The following STK35 variants were observed in gnomAD, a reference collection of about 807,000 sequenced individuals.
STK35 encodes serine/threonine-protein kinase 35.
Under a neutral mutation model 37.3 loss-of-function variants are expected in STK35, and 17 were observed. That is an observed-to-expected ratio of 0.46 (90% CI 0.31 to 0.68). STK35 has a LOEUF of 0.68. STK35 is among the 30% of genes least tolerant of loss of function. The pLI is 0.05. For synonymous variants in STK35, 385 were observed against 319.1 expected (o/e 1.21, Z -2.20); for missense variants, 595 against 746.7 (o/e 0.80, Z 2.37).
At chr20:2,135,182 G>A (rs1229447964) in intron 3 of STK35, among the ~76,000 whole-genome samples, 2 of 152,246 alleles carry the variant, frequency 1.3e-5, no homozygotes, top group Non-Finnish European at 2.9e-5. Context: ...CCTCCTGGGA[G>A]CACATTCCTA....
At chr20:2,133,495 T>A (rs901936116) in intron 3 of STK35, among the ~76,000 whole-genome samples, 5 of 152,218 alleles carry the variant, frequency 3.3e-5, no homozygotes, top group South Asian at 2.1e-4. Context: ...TAGTTCCCCT[T>A]AGTTGGTGTT....
chr20:2,112,978 A>G (rs1985648345), intron 2 of STK35, among the ~76,000 whole-genome samples: 1 of 152,170 alleles, frequency 6.6e-6, no homozygotes, highest in African/African-American at 2.4e-5. Context: ...AACTGGGGAA[A>G]TACCCGCAGT....
At position 2,102,813 on chromosome 20, in the gene STK35, A is replaced by G; in HGVS notation, c.340A>G (p.Arg114Gly). 1.3e-6 allele frequency: 2 copies of G among 1,512,566 alleles called. No homozygotes were observed. Among genetic ancestry groups the G allele is most frequent in the Admixed American group, 2.1e-5 (1 of 48,120 alleles). 93.7% of individuals were successfully genotyped at this position (1,512,566 alleles called of 1,614,324 possible). A position where few individuals can be genotyped will look rare whatever the true frequency, so the allele number is the denominator to read the frequency against. ...TCCTCCGCGTCCCAGGGCCGGACGG[A>G]GGGATGAGGCAGGGGGGGCCCGGGC... ...PAPPRPRAGR[R>G]DEAGGARAAP... is the part of the protein sequence containing the mutation. Residue 114 changes from arginine (R) to glycine (G), a missense_variant, in exon 2 of 4, where the codon AGG becomes GGG. Arg to Gly is a moderately radical substitution (Grantham distance 125, BLOSUM62 -2). This residue lies in a region of STK35 where 389 missense variants were observed against 320.0 expected (regional missense o/e 1.22). Coordinates refer to ENST00000381482, the MANE Select transcript of STK35 (RefSeq NM_080836.4).
Position 2,118,240 on chromosome 20 carries a change from A to G in STK35, c.*37+825A>G, listed in dbSNP as rs545690424. 5.2e-4 allele frequency among the ~76,000 whole-genome samples: 79 copies of G among 152,278 alleles called. 3 individuals are homozygous for G. The South Asian group carries it at 0.016, about 31-fold the overall frequency. On this transcript the variant is annotated intron_variant, in intron 3 of 3. Transcript: ENST00000381482. ...TTCCCATTATATGTACCATAATTTA[A>G]CCATTCTCCTACTTTAGAAAACAGA...
intron 2 of STK35, among the ~76,000 whole-genome samples, chr20:2,106,863 G>A (rs1188154546): frequency 1.3e-5 from 2 of 152,206 alleles, no homozygotes; most frequent in Non-Finnish European, 2.9e-5. Flanking sequence ...AGAGGTCTTA[G>A]ATGTGTGACC....
intron 3 of STK35, among the ~76,000 whole-genome samples, chr20:2,120,831 G>A (rs1207543681): frequency 1.3e-5 from 2 of 152,136 alleles, no homozygotes; most frequent in Non-Finnish European, 1.5e-5. Context: ...GAAAGTGCTC[G>A]GTGCTGGGTG....
Position 2,101,986 on chromosome 20 carries a change from C to T in STK35, c.105C>T (p.His35=), listed in dbSNP as rs1205598230. Reference sequence around the variant, plus strand: ...GCTGGCGCGAACACGTGGAAAGCCACGGGAGCCTAGGAGCCCAGGCTTCCC... The same window carrying T: ...GCTGGCGCGAACACGTGGAAAGCCATGGGAGCCTAGGAGCCCAGGCTTCCC... ...GLSWREHVES[H]GSLGAQASPA... Residue 35 remains histidine, a synonymous_variant, in exon 1 of 4, where the codon CAC becomes CAT. Transcript: ENST00000381482. 3 of 1,526,076 alleles carry T rather than the reference C, an allele frequency of 2.0e-6. No homozygotes were observed. In the Admixed American group the frequency reaches 5.9e-5, roughly 30 times the overall value. 94.5% of individuals were successfully genotyped at this position (1,526,076 alleles called of 1,614,324 possible).
intron 3 of STK35, among the ~76,000 whole-genome samples, chr20:2,123,062 G>A (rs1403119694): frequency 1.3e-5 from 2 of 152,132 alleles, no homozygotes; most frequent in African/African-American, 2.4e-5. Flanking sequence ...AGGTGCCTCC[G>A]CCCACGTGTT....
chr20:2,115,991 G>C (rs1410766787), intron 2 of STK35, among the ~76,000 whole-genome samples: 1 of 150,822 alleles, frequency 6.6e-6, no homozygotes, highest in African/African-American at 2.5e-5. Context: ...TAGTAGTTGA[G>C]CCTGATGGCG....
At chr20:2,135,996 A>G (rs1052477473) in intron 3 of STK35, among the ~76,000 whole-genome samples, 3 of 151,864 alleles carry the variant, frequency 2.0e-5, no homozygotes, top group Admixed American at 6.6e-5. Flanking sequence ...CCTATCTCAG[A>G]AAAAAAAGCC....
rs1403965225 is a variant in STK35 at position 2,143,891 on chromosome 20, A to G, written c.*145A>G. The G allele has an allele frequency of 2.2e-6, 1 of 449,252 alleles. No individual in the cohort carries two copies. Among genetic ancestry groups the G allele is most frequent in the Non-Finnish European group, 4.4e-6 (1 of 225,012 alleles). 27.8% of individuals were successfully genotyped at this position (449,252 alleles called of 1,614,324 possible). A position where few individuals can be genotyped will look rare whatever the true frequency, so the allele number is the denominator to read the frequency against. ...GATCTCCCGACAGCTGGATCCGGCA[A>G]TGTGAAGCTTTTGTTTGGGTTTCCC... On this transcript the variant is annotated 3_prime_UTR_variant, in exon 4 of 4. Coordinates refer to ENST00000381482, the MANE Select transcript of STK35 (RefSeq NM_080836.4).
At chr20:2,116,019 G>C (rs1362494398) in intron 2 of STK35, among the ~76,000 whole-genome samples, 1 of 152,138 alleles carries the variant, frequency 6.6e-6, no homozygotes, top group Admixed American at 6.5e-5. Context: ...GCTTTTGATG[G>C]TTGCTGCTGT....
chr20:2,113,000 C>G (rs985488092), intron 2 of STK35, among the ~76,000 whole-genome samples: 10 of 152,106 alleles, frequency 6.6e-5, no homozygotes, highest in African/African-American at 2.2e-4. Flanking sequence ...GTGGGTGGGT[C>G]GGGAGCCCAC....
intron 2 of STK35, among the ~76,000 whole-genome samples, chr20:2,107,239 C>T (rs1012265515): frequency 3.3e-5 from 5 of 152,234 alleles, no homozygotes; most frequent in Non-Finnish European, 4.4e-5. Context: ...CACACTGATT[C>T]TTCTGACAAA....
At chr20:2,137,129 G>GT (rs1375485280) in intron 3 of STK35, among the ~76,000 whole-genome samples, 2 of 152,302 alleles carry the variant, frequency 1.3e-5, no homozygotes, top group East Asian at 1.9e-4. Context: ...TTGGTTTTGT[G>GT]TTTTTTTGGA....
chr20:2,104,953 G>A (rs1485795751), intron 2 of STK35, among the ~76,000 whole-genome samples: 3 of 151,800 alleles, frequency 2.0e-5, no homozygotes, highest in East Asian at 3.9e-4. Context: ...AGGAGTTTGG[G>A]AACAGCCTGG....
chr20:2,103,849 C>T (rs1001312472), intron 2 of STK35, among the ~76,000 whole-genome samples: 4 of 152,176 alleles, frequency 2.6e-5, no homozygotes, highest in Non-Finnish European at 4.4e-5. Flanking sequence ...CCAGCTCCAA[C>T]CCCCAAACTC....
At chr20:2,139,202 C>T (rs1458444087) in intron 3 of STK35, among the ~76,000 whole-genome samples, 1 of 152,164 alleles carries the variant, frequency 6.6e-6, no homozygotes, top group African/African-American at 2.4e-5. Context: ...GCATGTTCCC[C>T]TCATATCTCC....
At chr20:2,102,629 C>A in intron 1 of STK35, 139 bp from the exon 2 acceptor site, 1 of 748,630 alleles carries the variant, frequency 1.3e-6, no homozygotes, top group Non-Finnish European at 1.9e-6. Flanking sequence ...CCCTCCCCTC[C>A]CCCGTTCAAT....
Sources: gnomAD v4.1 joint callset for allele counts (sites outside exome capture counted in the v4.1 genomes callset) on GRCh38, gnomAD v4.1.1 for gene constraint, gnomAD v4.1.1 regional missense constraint, MANE v1.5 for transcripts, NCBI Gene and HGNC (gene_info 2026-07-23, HGNC 2026-07-21) for gene names.